Variants in NVL observed in about 807,000 individuals in gnomAD.
NVL encodes nuclear valosin-containing protein-like.
Under a neutral mutation model 110.2 loss-of-function variants are expected in NVL, and 84 were observed. The observed-to-expected ratio is 0.76, with a 90% CI of 0.64 to 0.91. The LOEUF (loss-of-function observed/expected upper bound fraction) is 0.91, where lower values mean the gene tolerates loss of function less well. NVL is among the 40% of genes least tolerant of loss of function. The pLI is 0.00. For missense variants in NVL, 882 were observed against 1,035.9 expected (o/e 0.85, Z 2.04); for synonymous variants, 354 against 361.1 (o/e 0.98, Z 0.22).
chr1:224,240,307 G>T (rs183036439), intron 19 of NVL, among the ~76,000 whole-genome samples: 2 of 152,202 alleles, frequency 1.3e-5, no homozygotes, highest in East Asian at 3.9e-4. Context: ...GACCTCAGGT[G>T]ATCCACCCAC....
In NVL at chr1:224,289,505, A is replaced by T. The variant is rs752702429; in HGVS notation, c.1554T>A (p.Thr518=). 6.2e-7 allele frequency: 1 copy of T among 1,614,222 alleles called. No individual in the cohort carries two copies. The change falls in exon 13 of 23, where the codon ACT becomes ACA. Residue 518 remains threonine (T), a synonymous_variant. Transcript: ENST00000281701. ...GCACCTGTGTTTCAGAAGTGGGCTC[A>T]GTTCCCAGCCTTTCCTCCTGGACTC... The part of the protein sequence containing the change: ...SKGVQEERLG[T]EPTSETQDEL...
intron 19 of NVL, among the ~76,000 whole-genome samples, chr1:224,238,319 C>G (rs938135123): frequency 6.6e-6 from 1 of 152,180 alleles, no homozygotes; most frequent in Non-Finnish European, 1.5e-5. Context: ...AGGTGAGGGC[C>G]ACAGCACCTG....
At chr1:224,301,748 T>C (rs1309344952) in intron 9 of NVL, 5 of 269,018 alleles carry the variant, frequency 1.9e-5, no homozygotes, top group African/African-American at 9.9e-5. Context: ...TGCAGTGAGC[T>C]GTGATCATGC....
chr1:224,249,461 G>A (rs929675907), intron 19 of NVL, among the ~76,000 whole-genome samples: 8 of 151,912 alleles, frequency 5.3e-5, no homozygotes, highest in Non-Finnish European at 1.0e-4. Flanking sequence ...AGGGTCTTGC[G>A]GGGTCTGGTG....
intron 18 of NVL, among the ~76,000 whole-genome samples, chr1:224,255,962 A>G (rs1404812668): frequency 1.3e-5 from 2 of 152,194 alleles, no homozygotes; most frequent in Non-Finnish European, 2.9e-5. Flanking sequence ...CTCCAGTACC[A>G]TTGTTGAAAA....
intron 19 of NVL, among the ~76,000 whole-genome samples, chr1:224,241,091 ACT>A (rs1361137577): frequency 6.6e-6 from 1 of 151,696 alleles, no homozygotes; most frequent in East Asian, 1.9e-4. Flanking sequence ...GCTCAGCCAA[ACT>A]CTCCTTTTTT....
intron 17 of NVL, among the ~76,000 whole-genome samples, chr1:224,270,977 C>A (rs1322721339): frequency 1.3e-5 from 2 of 152,112 alleles, no homozygotes; most frequent in South Asian, 2.1e-4. Flanking sequence ...CAATCTTCAA[C>A]CCTGATTTTC....
chr1:224,233,314 C>T (rs1215927003), intron 20 of NVL, 25 bp from the exon 21 acceptor site: 1 of 1,566,682 alleles, frequency 6.4e-7, no homozygotes, highest in South Asian at 1.2e-5. Flanking sequence ...TAGTTATCTA[C>T]TTATTCTTAG....
rs1445989914 is a variant in NVL at position 224,268,087 on chromosome 1, T to C, written c.2129A>G (p.Asp710Gly). 6.2e-7 allele frequency: 1 copy of C among 1,614,094 alleles called. No individual in the cohort carries two copies. Among genetic ancestry groups the C allele is most frequent in the South Asian group, 1.1e-5 (1 of 91,066 alleles). Reference sequence around the variant, plus strand: ...AACCTGCTGGCGTGCTTCCAGACCATCCATCTCTGTAAGTAGCTGATTCAC... The same window carrying C: ...AACCTGCTGGCGTGCTTCCAGACCACCCATCTCTGTAAGTAGCTGATTCAC... ...RVVNQLLTEM[D>G]GLEARQQVFI... Residue 710 changes from aspartate to glycine, a missense_variant, in exon 18 of 23, where the codon GAT becomes GGT. By Grantham distance (94) the Asp-to-Gly change is moderately conservative. Transcript: ENST00000281701.
intron 19 of NVL, among the ~76,000 whole-genome samples, chr1:224,249,515 C>T (rs375262293): frequency 0.017 from 2,620 of 152,156 alleles, 27 homozygotes; most frequent in Non-Finnish European, 0.026. Context: ...GAGGCCGAGG[C>T]GGGTGGATCA....
intron 1 of NVL, among the ~76,000 whole-genome samples, chr1:224,328,569 T>C (rs966202001): frequency 2.0e-5 from 3 of 151,848 alleles, no homozygotes; most frequent in Non-Finnish European, 2.9e-5. Context: ...ATTGTAATAG[T>C]ATAAGGTAGA....
At chr1:224,292,120 T>C (rs1360440190) in intron 12 of NVL, among the ~76,000 whole-genome samples, 1 of 152,212 alleles carries the variant, frequency 6.6e-6, no homozygotes, top group Non-Finnish European at 1.5e-5. Flanking sequence ...GGTTTCCTTT[T>C]ATGTATGCTG....
intron 2 of NVL, among the ~76,000 whole-genome samples, chr1:224,323,600 A>G (rs1670864946): frequency 6.6e-6 from 1 of 152,210 alleles, no homozygotes; most frequent in Admixed American, 6.5e-5. Flanking sequence ...CCAGGATTCT[A>G]TAGGACAGGG....
intron 17 of NVL, 147 bp downstream of exon 17, chr1:224,275,192 C>G: frequency 1.1e-6 from 1 of 915,484 alleles, no homozygotes; most frequent in Non-Finnish European, 1.7e-6. Flanking sequence ...ACTGCTATCT[C>G]TAGGATTTGA....
In NVL at chr1:224,304,853, A is replaced by T. The variant is rs1437880488; in HGVS notation, c.749-41T>A. On this transcript the variant is annotated intron_variant, in intron 7 of 22. Coordinates refer to ENST00000281701, the MANE Select transcript of NVL (RefSeq NM_002533.4). ...GAGGAGATGAAAAGATTAATGATTC[A>T]GTAGTAACTCATAATTATAATGAAT... 5 of 1,539,882 alleles carry T rather than the reference A, an allele frequency of 3.2e-6. No homozygotes were observed. The African/African-American group carries it at 4.1e-5, about 13-fold the overall frequency.
At position 224,228,730 on chromosome 1, in the gene NVL, G is replaced by A. The variant is rs549336078; in HGVS notation, c.2527-1060C>T. On this transcript the variant is annotated intron_variant, in intron 22 of 22. Transcript: ENST00000281701. ...TGAGATGGGTGGATCACGAGGTCAG[G>A]AGATCGAGACCATCCTGGCTAACAT... Among the ~76,000 whole-genome samples, 7 of 149,316 alleles carry A rather than the reference G, an allele frequency of 4.7e-5. No individual in the cohort carries two copies. In the South Asian group the frequency reaches 1.5e-3, roughly 32 times the overall value.
chr1:224,298,910 AT>A (rs1668134702), intron 10 of NVL, among the ~76,000 whole-genome samples: 1 of 152,230 alleles, frequency 6.6e-6, no homozygotes, highest in Admixed American at 6.5e-5. Context: ...ACTTAAAAAA[AT>A]GTTTAAAATG....
intron 1 of NVL, among the ~76,000 whole-genome samples, chr1:224,327,409 C>T (rs1319452973): frequency 6.6e-6 from 1 of 151,906 alleles, no homozygotes; most frequent in African/African-American, 2.4e-5. Flanking sequence ...CACCACTGCA[C>T]TCCAGCCTGG....
chr1:224,278,192 CA>C (rs1315379699), intron 16 of NVL, among the ~76,000 whole-genome samples: 1 of 151,340 alleles, frequency 6.6e-6, no homozygotes, highest in African/African-American at 2.4e-5. Flanking sequence ...TTTCCAATCC[CA>C]AGATGCCCAT....
Sources: gnomAD v4.1 joint callset for allele counts (sites outside exome capture counted in the v4.1 genomes callset) on GRCh38, gnomAD v4.1.1 for gene constraint, MANE v1.5 for transcripts, NCBI Gene and HGNC (gene_info 2026-07-23, HGNC 2026-07-21) for gene names.